Variants in NANOG observed in about 807,000 individuals in gnomAD.
NANOG encodes Nanog homeobox.
Under a neutral mutation model 17.7 loss-of-function variants are expected in NANOG, and 2 were observed. The observed-to-expected ratio is 0.11, with a 90% CI of 0.05 to 0.36. The LOEUF (loss-of-function observed/expected upper bound fraction) is 0.36, where lower values mean the gene tolerates loss of function less well. Among genes scored for constraint, NANOG ranks in the 10% least tolerant of loss-of-function variants. The pLI, the probability that NANOG is intolerant of heterozygous loss-of-function variation, is 1.00. For missense variants in NANOG, 174 were observed against 362.1 expected, an observed-to-expected ratio of 0.48 and a Z score of 4.22; for synonymous variants, 81 against 124.7, an observed-to-expected ratio of 0.65 and a Z score of 2.33.
chr12:7,796,567 A>G lies in NANOG; in HGVS notation c.*1472A>G, dbSNP rs989816652. The G allele has an allele frequency of 1.3e-5, 2 of 152,194 alleles. No individual in the cohort carries two copies. The highest frequency in any genetic ancestry group is 1.5e-5 in the Non-Finnish European group (1 of 68,026). 9.4% of individuals were successfully genotyped at this position (152,194 alleles called of 1,614,324 possible). ...AGCTACGCAGGCATCTGTGAATTAT[A>G]CTAATAATCCTTTACTGTCCTTTTC... On this transcript the variant is annotated 3_prime_UTR_variant, in exon 4 of 4. Transcript: ENST00000229307.
intron 1 of NANOG, among the ~76,000 whole-genome samples, chr12:7,790,336 C>T (rs1327043060): frequency 6.6e-6 from 1 of 152,156 alleles, no homozygotes; most frequent in African/African-American, 2.4e-5. Flanking sequence ...TTTGGGAGCA[C>T]CTCCCATGTC....
chr12:7,790,553 A>G (rs1418619234), intron 1 of NANOG, among the ~76,000 whole-genome samples: 1 of 152,140 alleles, frequency 6.6e-6, no homozygotes. Context: ...TTTTTTGAAA[A>G]TCAATTTTTC....
At chr12:7,791,706 G>C (rs1414416226) in intron 1 of NANOG, among the ~76,000 whole-genome samples, 1 of 152,118 alleles carries the variant, frequency 6.6e-6, no homozygotes, top group African/African-American at 2.4e-5. Flanking sequence ...TTCATTTCTA[G>C]TTACAAAATC....
At position 7,792,991 on chromosome 12, in the gene NANOG, A is replaced by G. The variant is rs1357634751; in HGVS notation, c.193A>G (p.Ser65Gly). Reference sequence around the variant, plus strand: ...CTCCATGGATCTGCTTATTCAGGACAGCCCTGATTCTTCCACCAGTCCCAA... The same window carrying G: ...CTCCATGGATCTGCTTATTCAGGACGGCCCTGATTCTTCCACCAGTCCCAA... ...PSSMDLLIQD[S>G]PDSSTSPKGK... Residue 65 changes from serine to glycine, a missense_variant, in exon 2 of 4, where the codon AGC becomes GGC. By Grantham distance (56) the Ser-to-Gly change is moderately conservative (BLOSUM62 0). This residue lies in a region of NANOG where 158 missense variants were observed against 244.2 expected (regional missense o/e 0.65). Coordinates refer to ENST00000229307, the MANE Select transcript of NANOG (RefSeq NM_024865.4). The G allele has an allele frequency of 1.2e-6, 2 of 1,609,928 alleles. No homozygotes were observed. Among genetic ancestry groups the G allele is most frequent in the African/African-American group, 2.7e-5 (2 of 74,848 alleles).
At chr12:7,790,172 C>G (rs989829212) in intron 1 of NANOG, among the ~76,000 whole-genome samples, 3 of 125,180 alleles carry the variant, frequency 2.4e-5, no homozygotes, top group African/African-American at 2.8e-5. Context: ...AACGTCATAG[C>G]TCAGGGATGA....
intron 1 of NANOG, 50 bp downstream of exon 1, chr12:7,789,815 G>C: frequency 6.4e-7 from 1 of 1,564,230 alleles, no homozygotes; most frequent in Non-Finnish European, 8.8e-7. Context: ...AGGGAAAAGA[G>C]AGAAGGAGAG....
In NANOG at chr12:7,793,184, C is replaced by G. The variant is rs757041795; in HGVS notation, c.386C>G (p.Ser129Cys). Residue 129 changes from serine to cysteine, a missense_variant, in exon 2 of 4, where the codon TCC becomes TGC. Transcript: ENST00000229307. ...YLSLQQMQEL[S>C]NILNLSYKQV... ...AGCCTCCAGCAGATGCAAGAACTCT[C>G]CAACATCCTGAACCTCAGCTACAAA... 9.9e-6 allele frequency: 16 copies of G among 1,613,554 alleles called. No homozygotes were observed. The highest frequency in any genetic ancestry group is 1.3e-5 in the Non-Finnish European group (15 of 1,179,852).
chr12:7,794,607 A>G, intron 3 of NANOG, 64 bp downstream of exon 3: 1 of 1,608,746 alleles, frequency 6.2e-7, no homozygotes, highest in Admixed American at 1.7e-5. Context: ...CATCCCTGAA[A>G]CACACAACTC....
chr12:7,789,815 GAGA>G lies in NANOG; in HGVS notation c.151+53_151+55del, dbSNP rs572807806. 1.6e-4 allele frequency: 255 copies of G among 1,564,112 alleles called. 1 individual carries two copies. Among genetic ancestry groups the G allele is most frequent in the Non-Finnish European group, 1.9e-4 (222 of 1,142,762 alleles). ...AGGCCAAGTTCCTTAAGGGAAAAGA[GAGA>G]AGGAGAGAGGGTTAAGGGATCATTT... On this transcript the variant is annotated intron_variant, in intron 1 of 3. Transcript: ENST00000229307.
Position 7,794,567 on chromosome 12 carries a change from C to G in NANOG, c.501+24C>G, listed in dbSNP as rs200336436. On this transcript the variant is annotated intron_variant, in intron 3 of 3. Transcript: ENST00000229307. ...AGGTAACAGGAAACTTCATTCTGTT[C>G]TTTCCTTTCAGTGATCTTTCAATCT... 1,794 of 1,609,260 alleles carry G rather than the reference C, an allele frequency of 1.1e-3. 2 individuals carry two copies. Among genetic ancestry groups the G allele is most frequent in the Non-Finnish European group, 1.5e-3 (1,752 of 1,176,838 alleles).
rs1362274503 is a variant in NANOG at position 7,798,839 on chromosome 12, G to A, written c.*3744G>A. On this transcript the variant is annotated 3_prime_UTR_variant, in exon 4 of 4. Coordinates refer to ENST00000229307, the MANE Select transcript of NANOG (RefSeq NM_024865.4). ...AACTGCCAGACAGAGGCAGGAAAGT[G>A]GGGGAGAGCCCTTGGTAAATATTGC... 8.1e-6 allele frequency: 1 copy of A among 123,276 alleles called. No homozygotes were observed. The highest frequency in any genetic ancestry group is 3.2e-5 in the African/African-American group (1 of 31,150). 7.6% of individuals were successfully genotyped at this position (123,276 alleles called of 1,614,324 possible). A position where few individuals can be genotyped will look rare whatever the true frequency, so the allele number is the denominator to read the frequency against.
chr12:7,794,424 A>C (rs368898677), intron 2 of NANOG, 33 bp from the exon 3 acceptor site: 1 of 1,576,864 alleles, frequency 6.3e-7, no homozygotes, highest in East Asian at 2.2e-5. Flanking sequence ...TGTATTATGA[A>C]TATTTTACAA....
At position 7,796,380 on chromosome 12, in the gene NANOG, A is replaced by G. The variant is rs1467121953; in HGVS notation, c.*1285A>G. On this transcript the variant is annotated 3_prime_UTR_variant, in exon 4 of 4. Transcript: ENST00000229307. ...TAATAAATATGCCAGTTTTAGAAAA[A>G]AGGGCACTTACGTGCATTGTACATG... The G allele has an allele frequency of 2.9e-5, 4 of 136,240 alleles. No individual in the cohort carries two copies. The highest frequency in any genetic ancestry group is 1.0e-4 in the African/African-American group (4 of 39,368). 8.4% of individuals were successfully genotyped at this position (136,240 alleles called of 1,614,324 possible).
Position 7,789,892 on chromosome 12 carries a change from A to G in NANOG, c.151+127A>G, listed in dbSNP as rs1483865052. Reference sequence around the variant, plus strand: ...TTACTATAAAGAAGTGTTATTATCAACTAATCCTCTGGAAACCCCTTTTTC... The same window carrying G: ...TTACTATAAAGAAGTGTTATTATCAGCTAATCCTCTGGAAACCCCTTTTTC... On this transcript the variant is annotated intron_variant, in intron 1 of 3. Coordinates refer to ENST00000229307, the MANE Select transcript of NANOG (RefSeq NM_024865.4). 4.0e-6 allele frequency: 4 copies of G among 1,008,832 alleles called. No individual in the cohort carries two copies. The African/African-American group carries it at 4.8e-5, about 12-fold the overall frequency. 62.5% of individuals were successfully genotyped at this position (1,008,832 alleles called of 1,614,324 possible). A position where few individuals can be genotyped will look rare whatever the true frequency, so the allele number is the denominator to read the frequency against.
rs1862943413 is a variant in NANOG at position 7,797,208 on chromosome 12, TTACACCC to T, written c.*2114_*2120del. ...TAGCTGGGATTACAGGCACCCAACA[TTACACCC>T]GGCTAATTTTTGGTATTTTTAGTAG... On this transcript the variant is annotated 3_prime_UTR_variant, in exon 4 of 4. Transcript: ENST00000229307. 6.6e-6 allele frequency: 1 copy of T among 151,630 alleles called. No homozygotes were observed. The allele number at this position is 151,630 out of a possible 1,614,324, so 9.4% of individuals were successfully genotyped here.
chr12:7,793,321 C>T, intron 2 of NANOG, 109 bp downstream of exon 2: 1 of 948,038 alleles, frequency 1.1e-6, no homozygotes, highest in South Asian at 1.7e-5. Flanking sequence ...CCGTACATCG[C>T]CTCTTGCAAA....
Position 7,796,634 on chromosome 12 carries a change from G to T in NANOG, c.*1539G>T, listed in dbSNP as rs7959924. 105,776 of 151,970 alleles carry T rather than the reference G, an allele frequency of 0.7. 38,402 individuals carry two copies. The highest frequency in any genetic ancestry group is 0.82 in the South Asian group (3,922 of 4,806). The allele number at this position is 151,970 out of a possible 1,614,324, so 9.4% of individuals were successfully genotyped here. ...CTAAATGTATCTGATCTGAGAGCAC[G>T]TCCCTTCACTCTGAAGCAGCATGAT... On this transcript the variant is annotated 3_prime_UTR_variant, in exon 4 of 4. Coordinates refer to ENST00000229307, the MANE Select transcript of NANOG (RefSeq NM_024865.4).
At chr12:7,794,169 G>A (rs1862884004) in intron 2 of NANOG, among the ~76,000 whole-genome samples, 1 of 152,148 alleles carries the variant, frequency 6.6e-6, no homozygotes, top group South Asian at 2.1e-4. Flanking sequence ...CACTTCCCAG[G>A]TGCAAGCGAT....
At position 7,798,117 on chromosome 12, in the gene NANOG, C is replaced by T. The variant is rs1230673776; in HGVS notation, c.*3022C>T. The T allele has an allele frequency of 6.6e-6, 1 of 152,206 alleles. No individual in the cohort carries two copies. The highest frequency in any genetic ancestry group is 6.6e-5 in the Admixed American group (1 of 15,264). The allele number at this position is 152,206 out of a possible 1,614,324, so 9.4% of individuals were successfully genotyped here. A position where few individuals can be genotyped will look rare whatever the true frequency, so the allele number is the denominator to read the frequency against. The stretch of plus-strand genomic sequence containing the variant: ...GTGGGCCAGGTGCCGTGGCTCACAC[C>T]TGTAATCCCAGCACTTCGGGAGACC... On this transcript the variant is annotated 3_prime_UTR_variant, in exon 4 of 4. Coordinates refer to ENST00000229307, the MANE Select transcript of NANOG (RefSeq NM_024865.4).
Sources: gnomAD v4.1 joint callset for allele counts (sites outside exome capture counted in the v4.1 genomes callset) on GRCh38, gnomAD v4.1.1 for gene constraint, gnomAD v4.1.1 regional missense constraint, MANE v1.5 for transcripts, NCBI Gene and HGNC (gene_info 2026-07-23, HGNC 2026-07-21) for gene names.